The following TYW1 variants were observed in gnomAD, a reference collection of about 807,000 sequenced individuals.
TYW1 encodes the protein tRNA-yW synthesizing protein 1 homolog.
TYW1 carries 46 observed loss-of-function variants against 96.2 expected under a neutral mutation model. That is an observed-to-expected ratio of 0.48 (90% CI 0.38 to 0.61). The LOEUF (loss-of-function observed/expected upper bound fraction) is 0.61, where lower values mean the gene tolerates loss of function less well. Ranked by LOEUF, TYW1 falls within the 20% of genes least tolerant of loss-of-function variation. TYW1 has a pLI of 0.00. For missense variants in TYW1, 684 were observed against 909.6 expected (o/e 0.75, Z 3.19); for synonymous variants, 274 against 323.0 (o/e 0.85, Z 1.63).
At chr7:67,089,940 G>A (rs1771742234) in intron 11 of TYW1, among the ~76,000 whole-genome samples, 1 of 152,172 alleles carries the variant, frequency 6.6e-6, no homozygotes, top group African/African-American at 2.4e-5. Flanking sequence ...AAATGGGGCT[G>A]AGGTTTCTTT....
At chr7:67,232,526 GCA>G (rs1491235451) in intron 15 of TYW1, among the ~76,000 whole-genome samples, 42 of 137,036 alleles carry the variant, frequency 3.1e-4, no homozygotes, top group Admixed American at 9.4e-4. Context: ...GGGCAACAGA[GCA>G]TGACTCCGTC....
chr7:67,180,363 C>A (rs368041145), intron 13 of TYW1, among the ~76,000 whole-genome samples: 1 of 117,950 alleles, frequency 8.5e-6, no homozygotes, highest in African/African-American at 3.6e-5. Context: ...AACTCACTAC[C>A]GTATCCTTGG....
intron 14 of TYW1, 107 bp from the exon 15 acceptor site, chr7:67,195,063 T>C: frequency 6.2e-6 from 8 of 1,283,024 alleles, no homozygotes; most frequent in Non-Finnish European, 6.5e-6. Flanking sequence ...AAATACGGAC[T>C]GGATTGCATT....
chr7:67,114,400 G>T (rs1302680138), intron 12 of TYW1: 3 of 153,398 alleles, frequency 2.0e-5, no homozygotes, highest in Non-Finnish European at 2.9e-5. Context: ...CTACAGAAAG[G>T]CAACATGGGA....
intron 7 of TYW1, among the ~76,000 whole-genome samples, chr7:67,043,632 G>A (rs1280652387): frequency 6.6e-6 from 1 of 152,122 alleles, no homozygotes; most frequent in Non-Finnish European, 1.5e-5. Flanking sequence ...AGGCTTTGGA[G>A]TGTTTACTTC....
chr7:67,092,569 T>C (rs1366495589), intron 11 of TYW1, among the ~76,000 whole-genome samples: 2 of 151,884 alleles, frequency 1.3e-5, no homozygotes, highest in East Asian at 3.9e-4. Context: ...GCAAGACTTA[T>C]CCTGACCAGC....
At chr7:67,215,271 T>G (rs1287568252) in intron 15 of TYW1, among the ~76,000 whole-genome samples, 2 of 151,788 alleles carry the variant, frequency 1.3e-5, no homozygotes, top group Middle Eastern at 3.2e-3. Context: ...CCACATTAGC[T>G]CAAGCACCCA....
intron 7 of TYW1, among the ~76,000 whole-genome samples, chr7:67,033,643 C>G (rs997339111): frequency 4.6e-5 from 7 of 152,042 alleles, no homozygotes; most frequent in African/African-American, 1.7e-4. Context: ...CTTCAAAAAC[C>G]CTGTCCCATT....
chr7:67,150,443 A>C (rs1229763548), intron 13 of TYW1, among the ~76,000 whole-genome samples: 1 of 152,204 alleles, frequency 6.6e-6, no homozygotes, highest in Non-Finnish European at 1.5e-5. Context: ...TATCAAACAC[A>C]AAGATTATAT....
chr7:67,134,108 C>T (rs1798172107), intron 13 of TYW1, among the ~76,000 whole-genome samples: 1 of 152,090 alleles, frequency 6.6e-6, no homozygotes, highest in Non-Finnish European at 1.5e-5. Context: ...GCACTATCCT[C>T]AGTGCCGCGG....
At chr7:67,211,930 T>A (rs944039345) in intron 15 of TYW1, among the ~76,000 whole-genome samples, 1 of 152,226 alleles carries the variant, frequency 6.6e-6, no homozygotes, top group African/African-American at 2.4e-5. Context: ...CATTCTCTTA[T>A]CACAGTCTTC....
intron 15 of TYW1, among the ~76,000 whole-genome samples, chr7:67,222,233 C>T (rs1300933537): frequency 2.0e-5 from 3 of 152,056 alleles, no homozygotes; most frequent in Non-Finnish European, 2.9e-5. Context: ...TATAGAGTTA[C>T]AAAACAAAGC....
At chr7:67,139,760 TGTG>T (rs1277557470) in intron 13 of TYW1, among the ~76,000 whole-genome samples, 45 of 151,820 alleles carry the variant, frequency 3.0e-4, no homozygotes, top group East Asian at 2.3e-3. Flanking sequence ...TGTGTGTGTG[TGTG>T]TGTGTGTGTA....
chr7:67,185,704 G>A (rs1261259493), intron 14 of TYW1, among the ~76,000 whole-genome samples: 1 of 152,040 alleles, frequency 6.6e-6, no homozygotes, highest in African/African-American at 2.4e-5. Flanking sequence ...TAGATCATAG[G>A]TTTTATAAGC....
chr7:67,177,397 A>G (rs147543607), intron 13 of TYW1, among the ~76,000 whole-genome samples: 8 of 152,118 alleles, frequency 5.3e-5, no homozygotes, highest in South Asian at 2.1e-4. Flanking sequence ...AGGAGTTCTT[A>G]TTGATCAGAA....
At chr7:67,117,375 A>T (rs13236388) in intron 12 of TYW1, 108 bp from the exon 13 acceptor site, 3 of 1,279,016 alleles carry the variant, frequency 2.3e-6, no homozygotes, top group Non-Finnish European at 3.2e-6. Flanking sequence ...CTCTAGACCC[A>T]GTGAAGTGTT....
chr7:67,091,370 C>T (rs916735190), intron 11 of TYW1, among the ~76,000 whole-genome samples: 1 of 136,442 alleles, frequency 7.3e-6, no homozygotes, highest in African/African-American at 2.8e-5. Flanking sequence ...ACAATGAGAA[C>T]ACTTAGACAT....
intron 13 of TYW1, among the ~76,000 whole-genome samples, chr7:67,163,363 C>T (rs3864346): frequency 0.47 from 72,155 of 151,966 alleles, 17,571 homozygotes; most frequent in Middle Eastern, 0.58. Context: ...GCCAGTGCTC[C>T]GAGCCTCTTC....
At chr7:67,018,522 C>T (rs983490069) in intron 6 of TYW1, among the ~76,000 whole-genome samples, 24 of 151,864 alleles carry the variant, frequency 1.6e-4, no homozygotes, top group Non-Finnish European at 2.9e-4. Context: ...GCCTGGGCAA[C>T]AGAGTGAGAC....
Sources: gnomAD v4.1 joint callset for allele counts (sites outside exome capture counted in the v4.1 genomes callset) on GRCh38, gnomAD v4.1.1 for gene constraint, MANE v1.5 for transcripts, NCBI Gene and HGNC (gene_info 2026-07-23, HGNC 2026-07-21) for gene names.